Variants in POT1 observed in about 807,000 individuals in gnomAD.
POT1 encodes protection of telomeres protein 1.
In POT1, 47 loss-of-function variants were observed where a neutral mutation model predicts 78.5. The ratio of observed to expected loss-of-function variants is 0.60; its 90% CI spans 0.47 to 0.76. The LOEUF (loss-of-function observed/expected upper bound fraction) is 0.76. POT1 is among the 30% of genes least tolerant of loss of function. POT1 has a pLI of 0.00. For missense variants in POT1, 646 were observed against 749.9 expected (o/e 0.86, Z 1.62); for synonymous variants, 259 against 260.7 (o/e 0.99, Z 0.06).
intron 6 of POT1, among the ~76,000 whole-genome samples, chr7:124,888,243 T>G (rs1297054115): frequency 6.6e-6 from 1 of 152,126 alleles, no homozygotes; most frequent in African/African-American, 2.4e-5. Flanking sequence ...TTATATATTC[T>G]TGCACCCTTG....
chr7:124,822,724 A>G lies in POT1; in HGVS notation c.*1238T>C, dbSNP rs1033749173. 6 of 260,980 alleles carry G rather than the reference A, an allele frequency of 2.3e-5. No individual in the cohort carries two copies. The highest frequency in any genetic ancestry group is 4.0e-5 in the South Asian group (1 of 25,204). 16.2% of individuals were successfully genotyped at this position (260,980 alleles called of 1,614,324 possible). The stretch of plus-strand genomic sequence containing the variant: ...CTTTCTCATTGTCTCAAACAAGCTG[A>G]TAAGTCGATGATGGGGGACATTGGT... On this transcript the variant is annotated 3_prime_UTR_variant, in exon 19 of 19. Coordinates refer to ENST00000357628, the MANE Select transcript of POT1 (RefSeq NM_015450.3).
Position 124,871,318 on chromosome 7 carries a change from C to T in POT1, c.125-277G>A, listed in dbSNP as rs145897106. ...GGAGAGAAAATAACCTTTTCTATTGCTTCAAGGTTTACAAATCATGAAACA... is the reference window on the plus strand; with the variant it reads ...GGAGAGAAAATAACCTTTTCTATTGTTTCAAGGTTTACAAATCATGAAACA... On this transcript the variant is annotated intron_variant, in intron 6 of 18. Coordinates refer to ENST00000357628, the MANE Select transcript of POT1 (RefSeq NM_015450.3). Among the ~76,000 whole-genome samples the T allele has an allele frequency of 4.8e-3, 737 of 152,088 alleles. 8 individuals carry two copies. Among genetic ancestry groups the T allele is most frequent in the African/African-American group, 0.016 (675 of 41,536 alleles).
intron 8 of POT1, among the ~76,000 whole-genome samples, chr7:124,861,310 G>C (rs1421272715): frequency 6.6e-6 from 1 of 152,162 alleles, no homozygotes; most frequent in African/African-American, 2.4e-5. Flanking sequence ...ACTGGCGTGA[G>C]ATGGTATCTC....
chr7:124,829,676 C>T (rs1050982824), intron 15 of POT1, among the ~76,000 whole-genome samples: 1 of 151,448 alleles, frequency 6.6e-6, no homozygotes, highest in Admixed American at 6.6e-5. Context: ...AAATGATCAT[C>T]TCTAAGAATT....
At chr7:124,891,942 A>G (rs1796381280) in intron 6 of POT1, among the ~76,000 whole-genome samples, 1 of 151,610 alleles carries the variant, frequency 6.6e-6, no homozygotes, top group South Asian at 2.1e-4. Flanking sequence ...TGATTTATGC[A>G]TCAATGTTAC....
chr7:124,867,806 C>T (rs1457662917), intron 7 of POT1, among the ~76,000 whole-genome samples: 1 of 151,924 alleles, frequency 6.6e-6, no homozygotes, highest in Non-Finnish European at 1.5e-5. Flanking sequence ...CACCACCACA[C>T]CTAGCTAATA....
intron 11 of POT1, among the ~76,000 whole-genome samples, chr7:124,851,413 TTAGAAGGACA>T (rs1795303338): frequency 6.6e-6 from 1 of 152,190 alleles, no homozygotes; most frequent in Admixed American, 6.5e-5. Context: ...GCAGACAATA[TTAGAAGGACA>T]TATCCCTCTG....
At chr7:124,875,688 T>C (rs1467791564) in intron 6 of POT1, among the ~76,000 whole-genome samples, 6 of 152,176 alleles carry the variant, frequency 3.9e-5, no homozygotes, top group Non-Finnish European at 4.4e-5. Flanking sequence ...ATATAAAGTT[T>C]CTCAAGCTCA....
At chr7:124,873,036 A>G (rs541300308) in intron 6 of POT1, among the ~76,000 whole-genome samples, 1 of 152,294 alleles carries the variant, frequency 6.6e-6, no homozygotes, top group African/African-American at 2.4e-5. Context: ...GTTGTTTTCT[A>G]ACCATCTAGT....
chr7:124,866,728 C>T (rs1447776156), intron 7 of POT1, among the ~76,000 whole-genome samples: 1 of 152,170 alleles, frequency 6.6e-6, no homozygotes, highest in Non-Finnish European at 1.5e-5. Context: ...ATGGGGCTCA[C>T]TTTATAAGTT....
At chr7:124,882,435 G>C (rs1379472756) in intron 6 of POT1, among the ~76,000 whole-genome samples, 1 of 151,934 alleles carries the variant, frequency 6.6e-6, no homozygotes, top group Non-Finnish European at 1.5e-5. Flanking sequence ...TTTCTGGTGT[G>C]AGCTTACATA....
Position 124,840,986 on chromosome 7 carries a change from T to TA in POT1, c.1355dup (p.Leu453ThrfsTer10), listed in dbSNP as rs1415325627. On this transcript the variant is annotated frameshift_variant, in exon 14 of 19. Transcript: ENST00000357628. LOFTEE classifies it high-confidence loss of function. ...TAAATATCTTACCTTCTATCAAAAG[T>TA]AGACATTCATTTGAAAGCGGGAGAA... 6.3e-7 allele frequency: 1 copy of TA among 1,599,728 alleles called. No homozygotes were observed. The highest frequency in any genetic ancestry group is 8.6e-7 in the Non-Finnish European group (1 of 1,168,354).
Position 124,822,539 on chromosome 7 carries a change from G to A in POT1, c.*1423C>T. The stretch of plus-strand genomic sequence containing the variant: ...GCACCTTTGGACCTCTACTCTTCTA[G>A]ATTGAGGGCTTCCTGAAGGCAGAAA... On this transcript the variant is annotated 3_prime_UTR_variant, in exon 19 of 19. Coordinates refer to ENST00000357628, the MANE Select transcript of POT1 (RefSeq NM_015450.3). The A allele has an allele frequency of 4.4e-6, 2 of 455,866 alleles. No individual in the cohort carries two copies. The highest frequency in any genetic ancestry group is 3.1e-5 in the South Asian group (2 of 64,430). The allele number at this position is 455,866 out of a possible 1,614,324, so 28.2% of individuals were successfully genotyped here.
intron 16 of POT1, among the ~76,000 whole-genome samples, chr7:124,828,677 C>G (rs1794688790): frequency 6.6e-6 from 1 of 151,778 alleles, no homozygotes; most frequent in Non-Finnish European, 1.5e-5. Flanking sequence ...ACGAAGAGAC[C>G]AAGTTCAAGA....
At chr7:124,907,684 C>A (rs1021560887) in intron 3 of POT1, among the ~76,000 whole-genome samples, 1 of 152,112 alleles carries the variant, frequency 6.6e-6, no homozygotes, top group Non-Finnish European at 1.5e-5. Context: ...GATGTCATTG[C>A]AGGTTCACCA....
intron 2 of POT1, among the ~76,000 whole-genome samples, 163 bp downstream of exon 2, chr7:124,928,652 C>T (rs941912310): frequency 6.6e-6 from 1 of 152,156 alleles, no homozygotes; most frequent in African/African-American, 2.4e-5. Flanking sequence ...TAATTGTTCG[C>T]TAAATAAGTA....
intron 2 of POT1, among the ~76,000 whole-genome samples, chr7:124,925,971 G>T (rs768882153): frequency 4.6e-5 from 7 of 152,030 alleles, no homozygotes; most frequent in Non-Finnish European, 1.0e-4. Flanking sequence ...ACGGATTAAA[G>T]ATTTGAATGT....
At chr7:124,855,361 T>G (rs1795422326) in intron 9 of POT1, among the ~76,000 whole-genome samples, 1 of 151,736 alleles carries the variant, frequency 6.6e-6, no homozygotes, top group Non-Finnish European at 1.5e-5. Flanking sequence ...CACACGGGTG[T>G]TTATTATACT....
intron 3 of POT1, among the ~76,000 whole-genome samples, chr7:124,912,815 C>T (rs1028012571): frequency 6.6e-5 from 10 of 152,094 alleles, no homozygotes; most frequent in African/African-American, 2.4e-4. Flanking sequence ...ACTGCAGAGG[C>T]TCCAGTTCCA....
Sources: allele counts gnomAD v4.1 joint callset (sites outside exome capture counted in the v4.1 genomes callset), GRCh38; gene constraint gnomAD v4.1.1; transcripts MANE v1.5; gene names NCBI Gene and HGNC (gene_info 2026-07-23, HGNC 2026-07-21).